SLC2A13: variants seen among roughly 807,000 people sequenced by gnomAD.
SLC2A13 encodes the protein solute carrier family 2 member 13.
A neutral mutation model predicts 64.4 loss-of-function variants in SLC2A13; 32 were observed. That is an observed-to-expected ratio of 0.50 (90% CI 0.37 to 0.67). The LOEUF is 0.67. Ranked by LOEUF, SLC2A13 falls within the 30% of genes least tolerant of loss-of-function variation. The probability of loss-of-function intolerance (pLI) is 0.00; values close to 1 mark genes in which losing one functional copy is unlikely to be tolerated. For synonymous variants in SLC2A13, 338 were observed against 327.1 expected, an observed-to-expected ratio of 1.03 and a Z score of -0.36; for missense variants, 743 against 829.2, an observed-to-expected ratio of 0.90 and a Z score of 1.28.
chr12:39,842,645 A>G (rs1471453802), intron 6 of SLC2A13, among the ~76,000 whole-genome samples: 1 of 152,052 alleles, frequency 6.6e-6, no homozygotes, highest in African/African-American at 2.4e-5. Flanking sequence ...TTCATATAAA[A>G]TTTACCATTT....
chr12:40,009,873 T>C lies in SLC2A13; in HGVS notation c.925+18428A>G, dbSNP rs546177226. Among the ~76,000 whole-genome samples the C allele has an allele frequency of 5.3e-5, 8 of 152,372 alleles. No homozygotes were observed. In the South Asian group the frequency reaches 1.7e-3, roughly 32 times the overall value. On this transcript the variant is annotated intron_variant, in intron 3 of 9. Coordinates refer to ENST00000280871, the MANE Select transcript of SLC2A13 (RefSeq NM_052885.4). The stretch of plus-strand genomic sequence containing the variant: ...AGGCAGACTGACAATTAATGTCTCA[T>C]TCATAATTTTCTATTAGAAACAGTG...
At chr12:40,021,963 A>G (rs1947727023) in intron 3 of SLC2A13, among the ~76,000 whole-genome samples, 1 of 152,150 alleles carries the variant, frequency 6.6e-6, no homozygotes, top group African/African-American at 2.4e-5. Context: ...GGCCACAGTC[A>G]ATATCAATTC....
intron 6 of SLC2A13, among the ~76,000 whole-genome samples, chr12:39,850,396 G>T (rs749786856): frequency 7.9e-5 from 12 of 152,118 alleles, no homozygotes; most frequent in Non-Finnish European, 1.3e-4. Context: ...ACTGAGCCAT[G>T]GCACTCATTG....
At chr12:39,848,824 G>A (rs1186494860) in intron 6 of SLC2A13, among the ~76,000 whole-genome samples, 1 of 152,042 alleles carries the variant, frequency 6.6e-6, no homozygotes. Flanking sequence ...ATATACACCA[G>A]GGAATATTAT....
chr12:40,017,109 T>C (rs1366666848), intron 3 of SLC2A13, among the ~76,000 whole-genome samples: 1 of 152,176 alleles, frequency 6.6e-6, no homozygotes, highest in African/African-American at 2.4e-5. Flanking sequence ...GAGCTCCATT[T>C]CCTCCTCCAA....
intron 6 of SLC2A13, among the ~76,000 whole-genome samples, chr12:39,852,567 G>C (rs1194721501): frequency 6.6e-6 from 1 of 152,156 alleles, no homozygotes; most frequent in Non-Finnish European, 1.5e-5. Flanking sequence ...GGTAACAAAA[G>C]GTTAGAATAT....
intron 6 of SLC2A13, among the ~76,000 whole-genome samples, chr12:39,859,040 C>CA (rs745488127): frequency 1.6e-4 from 24 of 152,030 alleles, no homozygotes; most frequent in South Asian, 6.2e-4. Flanking sequence ...GTAGTGAATA[C>CA]AAAATGAATT....
chr12:40,048,427 T>G (rs1049803999), intron 1 of SLC2A13, among the ~76,000 whole-genome samples: 2 of 152,146 alleles, frequency 1.3e-5, no homozygotes, highest in African/African-American at 4.8e-5. Flanking sequence ...TTATTATCAC[T>G]TGAAAGCCTA....
intron 3 of SLC2A13, among the ~76,000 whole-genome samples, chr12:39,952,488 T>G (rs1384106662): frequency 6.6e-6 from 1 of 152,196 alleles, no homozygotes; most frequent in Non-Finnish European, 1.5e-5. Context: ...ACAATATGTA[T>G]GTTGTCTCAG....
At chr12:40,000,974 T>C (rs1178213138) in intron 3 of SLC2A13, among the ~76,000 whole-genome samples, 1 of 152,120 alleles carries the variant, frequency 6.6e-6, no homozygotes, top group Admixed American at 6.5e-5. Flanking sequence ...TGCAATGCAT[T>C]CCCCAATGTC....
intron 4 of SLC2A13, among the ~76,000 whole-genome samples, chr12:39,943,705 T>A (rs1946081627): frequency 6.6e-6 from 1 of 152,154 alleles, no homozygotes; most frequent in African/African-American, 2.4e-5. Flanking sequence ...TGGGGTGGGA[T>A]CCACTGAGCT....
At chr12:39,771,436 G>C (rs1330642941) in intron 7 of SLC2A13, among the ~76,000 whole-genome samples, 2 of 152,078 alleles carry the variant, frequency 1.3e-5, no homozygotes, top group Non-Finnish European at 2.9e-5. Context: ...AAGGAACTGA[G>C]GGCAGCCTCT....
At position 39,756,830 on chromosome 12, in the gene SLC2A13, T is replaced by C. The variant is rs1310286581; in HGVS notation, c.*3196A>G. On this transcript the variant is annotated 3_prime_UTR_variant, in exon 10 of 10. Coordinates refer to ENST00000280871, the MANE Select transcript of SLC2A13 (RefSeq NM_052885.4). ...AGAGTGAATAACTTAATATTTAGAC[T>C]CTTATGTACTAAAATCAGGTTCAGT... 6.6e-6 allele frequency: 1 copy of C among 151,702 alleles called. No individual in the cohort carries two copies. The highest frequency in any genetic ancestry group is 2.4e-5 in the African/African-American group (1 of 41,380). The allele number at this position is 151,702 out of a possible 1,614,324, so 9.4% of individuals were successfully genotyped here. A position where few individuals can be genotyped will look rare whatever the true frequency, so the allele number is the denominator to read the frequency against.
intron 6 of SLC2A13, among the ~76,000 whole-genome samples, chr12:39,858,773 A>AT (rs1943676070): frequency 6.6e-6 from 1 of 151,994 alleles, no homozygotes. Flanking sequence ...CACTTGGCTA[A>AT]TTTTTTGTAT....
chr12:39,918,394 T>G (rs1592282314), intron 4 of SLC2A13, among the ~76,000 whole-genome samples: 1 of 146,422 alleles, frequency 6.8e-6, no homozygotes, highest in African/African-American at 2.5e-5. Flanking sequence ...GAAACAAGAG[T>G]CTTTATGAAG....
At chr12:40,103,515 C>A (rs942570253) in intron 1 of SLC2A13, among the ~76,000 whole-genome samples, 1 of 152,150 alleles carries the variant, frequency 6.6e-6, no homozygotes, top group African/African-American at 2.4e-5. Context: ...GGAAGGGGAC[C>A]TTACACAGAA....
chr12:39,884,665 A>C (rs948481465), intron 4 of SLC2A13, among the ~76,000 whole-genome samples: 1 of 152,202 alleles, frequency 6.6e-6, no homozygotes, highest in Non-Finnish European at 1.5e-5. Context: ...CGCCATACAT[A>C]TAACAAGGAC....
chr12:39,896,348 G>GTATGTA (rs1326844788), intron 4 of SLC2A13, among the ~76,000 whole-genome samples: 1 of 126,604 alleles, frequency 7.9e-6, no homozygotes, highest in Admixed American at 7.8e-5. Context: ...ATACATATAT[G>GTATGTA]TATGTATATG....
intron 4 of SLC2A13, among the ~76,000 whole-genome samples, chr12:39,917,788 C>T (rs891548325): frequency 6.6e-5 from 10 of 152,094 alleles, no homozygotes; most frequent in Admixed American, 5.9e-4. Flanking sequence ...AGCCATTTCC[C>T]ACATGTCAAT....
Sources: gnomAD v4.1 joint callset for allele counts (sites outside exome capture counted in the v4.1 genomes callset) on GRCh38, gnomAD v4.1.1 for gene constraint, MANE v1.5 for transcripts, NCBI Gene and HGNC (gene_info 2026-07-23, HGNC 2026-07-21) for gene names.